The following ESR1 variants were observed in gnomAD, a reference collection of about 807,000 sequenced individuals.
ESR1 encodes the protein estrogen receptor 1.
A neutral mutation model predicts 52.7 loss-of-function variants in ESR1; 12 were observed. That is an observed-to-expected ratio of 0.23 (90% CI 0.15 to 0.37). ESR1 has a LOEUF of 0.37. ESR1 is among the 10% of genes least tolerant of loss of function. The pLI is 1.00. For missense variants in ESR1, 584 were observed against 779.7 expected (o/e 0.75, Z 2.99); for synonymous variants, 305 against 316.8 (o/e 0.96, Z 0.39).
intron 4 of ESR1, among the ~76,000 whole-genome samples, chr6:151,972,864 G>C (rs557876321): frequency 1.7e-3 from 266 of 152,298 alleles, no homozygotes; most frequent in African/African-American, 6.1e-3. Context: ...TTCAGTCTGT[G>C]GTTGAAGGTA....
intron 1 of ESR1, among the ~76,000 whole-genome samples, chr6:151,700,708 T>C (rs1779710132): frequency 2.1e-5 from 3 of 144,372 alleles, no homozygotes; most frequent in African/African-American, 5.2e-5. Flanking sequence ...AAATTGTAAA[T>C]TAGGTTCACT....
chr6:151,811,184 C>T (rs148072037), intron 1 of ESR1: 1 of 152,202 alleles, frequency 6.6e-6, no homozygotes, highest in East Asian at 1.9e-4. Context: ...TCTCTGGACG[C>T]ATAATAATGT....
chr6:151,846,446 C>T (rs1211189193), intron 2 of ESR1, among the ~76,000 whole-genome samples: 2 of 152,206 alleles, frequency 1.3e-5, no homozygotes, highest in African/African-American at 4.8e-5. Context: ...CTGAAATTGT[C>T]TGTGACTCTT....
intron 2 of ESR1, among the ~76,000 whole-genome samples, chr6:151,852,510 A>G (rs1786955789): frequency 6.6e-6 from 1 of 152,182 alleles, no homozygotes; most frequent in Admixed American, 6.5e-5. Context: ...TACAGGGCCA[A>G]ATGCAGCTCT....
intron 2 of ESR1, among the ~76,000 whole-genome samples, chr6:151,712,775 A>G (rs1780722987): frequency 6.6e-6 from 1 of 152,204 alleles, no homozygotes; most frequent in African/African-American, 2.4e-5. Flanking sequence ...CAATCATGTC[A>G]TCTGCAAACA....
intron 3 of ESR1, among the ~76,000 whole-genome samples, chr6:151,888,551 T>C (rs990302222): frequency 1.3e-5 from 2 of 152,192 alleles, no homozygotes; most frequent in African/African-American, 4.8e-5. Flanking sequence ...GTTTATTAGT[T>C]CTAATAGTTT....
intron 1 of ESR1, among the ~76,000 whole-genome samples, chr6:151,669,868 A>G (rs1777986699): frequency 1.3e-5 from 2 of 152,198 alleles, no homozygotes; most frequent in South Asian, 4.1e-4. Flanking sequence ...AGATTGTAAA[A>G]CACATTTGCA....
At chr6:151,812,574 G>T (rs143665189) in intron 1 of ESR1, among the ~76,000 whole-genome samples, 2 of 151,966 alleles carry the variant, frequency 1.3e-5, no homozygotes, top group East Asian at 3.8e-4. Context: ...TCTAAAATCC[G>T]TACTCAGCAT....
intron 6 of ESR1, among the ~76,000 whole-genome samples, chr6:152,086,991 G>A (rs750686): frequency 0.43 from 64,985 of 151,988 alleles, 15,301 homozygotes; most frequent in African/African-American, 0.6. Flanking sequence ...TTCAACTCAC[G>A]TAATGAGAAG....
chr6:151,788,727 A>G (rs1382624679), intron 2 of ESR1, among the ~76,000 whole-genome samples: 3 of 152,218 alleles, frequency 2.0e-5, no homozygotes, highest in Non-Finnish European at 1.5e-5. Flanking sequence ...GGTAGACTGG[A>G]TAAAGAAAAT....
At chr6:152,106,095 A>G (rs1050756073), downstream of ESR1, among the ~76,000 whole-genome samples, 2 of 152,148 alleles carry the variant, frequency 1.3e-5, no homozygotes, top group African/African-American at 4.8e-5. Flanking sequence ...GCCCGGCCTC[A>G]GTATGCATCT....
chr6:152,018,797 T>C (rs1256710078), intron 5 of ESR1, among the ~76,000 whole-genome samples: 1 of 151,490 alleles, frequency 6.6e-6, no homozygotes, highest in Non-Finnish European at 1.5e-5. Flanking sequence ...TTGTTCATGT[T>C]AATTTTTTTT....
At chr6:151,865,513 C>G (rs1343176682) in intron 2 of ESR1, among the ~76,000 whole-genome samples, 1 of 152,202 alleles carries the variant, frequency 6.6e-6, no homozygotes, top group Non-Finnish European at 1.5e-5. Flanking sequence ...AGCTAACATT[C>G]CCTAAACAGG....
intron 6 of ESR1, among the ~76,000 whole-genome samples, chr6:152,083,495 C>T (rs2049417380): frequency 6.6e-6 from 1 of 151,500 alleles, no homozygotes; most frequent in African/African-American, 2.4e-5. Context: ...AATGTAAGAC[C>T]TAACACCTAG....
chr6:152,038,510 A>G (rs892063927), intron 5 of ESR1, among the ~76,000 whole-genome samples: 1 of 152,186 alleles, frequency 6.6e-6, no homozygotes. Flanking sequence ...TACAGACAAT[A>G]ATGTCATAAT....
chr6:151,734,308 T>C (rs1216381629), intron 2 of ESR1, among the ~76,000 whole-genome samples: 2 of 152,204 alleles, frequency 1.3e-5, no homozygotes, highest in Non-Finnish European at 2.9e-5. Flanking sequence ...ACAATCCACG[T>C]CAAGTTCCAT....
At chr6:151,901,720 G>T (rs1000415950) in intron 3 of ESR1, among the ~76,000 whole-genome samples, 12 of 152,214 alleles carry the variant, frequency 7.9e-5, no homozygotes, top group Non-Finnish European at 1.6e-4. Context: ...CCCCAGTGAG[G>T]GTGTGTGTTC....
intron 4 of ESR1, among the ~76,000 whole-genome samples, chr6:151,974,106 C>A (rs1350578018): frequency 6.6e-6 from 1 of 151,928 alleles, no homozygotes; most frequent in Non-Finnish European, 1.5e-5. Context: ...TTTTTCAACC[C>A]CTGATTTAAA....
At chr6:152,085,032 C>T (rs905051360) in intron 6 of ESR1, among the ~76,000 whole-genome samples, 1 of 152,204 alleles carries the variant, frequency 6.6e-6, no homozygotes, top group African/African-American at 2.4e-5. Context: ...GAGTTTATAA[C>T]ATGGGGCAGG....
Sources: gnomAD v4.1 joint callset for allele counts (sites outside exome capture counted in the v4.1 genomes callset) on GRCh38, gnomAD v4.1.1 for gene constraint, MANE v1.5 for transcripts, NCBI Gene and HGNC (gene_info 2026-07-23, HGNC 2026-07-21) for gene names.